Variants in THEMIS observed in about 807,000 individuals in gnomAD.
The protein encoded by THEMIS is thymocyte selection associated.
THEMIS carries 37 observed loss-of-function variants against 52.6 expected under a neutral mutation model. That is an observed-to-expected ratio of 0.70 (90% CI 0.54 to 0.93). The LOEUF (loss-of-function observed/expected upper bound fraction) is 0.93. Ranked by LOEUF, THEMIS falls within the 40% of genes least tolerant of loss-of-function variation. The probability of loss-of-function intolerance (pLI) is 0.00; values close to 1 mark genes in which losing one functional copy is unlikely to be tolerated. For synonymous variants in THEMIS, 292 were observed against 272.7 expected (o/e 1.07, Z -0.70); for missense variants, 808 against 763.1 (o/e 1.06, Z -0.69).
At chr6:127,787,758 C>T (rs1322790536) in intron 4 of THEMIS, among the ~76,000 whole-genome samples, 1 of 151,632 alleles carries the variant, frequency 6.6e-6, no homozygotes, top group African/African-American at 2.4e-5. Flanking sequence ...ATTAAGTCTA[C>T]TAACTATATT....
chr6:127,898,453 T>C (rs1781037707), intron 1 of THEMIS, among the ~76,000 whole-genome samples: 1 of 151,762 alleles, frequency 6.6e-6, no homozygotes, highest in African/African-American at 2.4e-5. Context: ...TGAGATATTA[T>C]CTCACTTCAG....
intron 1 of THEMIS, among the ~76,000 whole-genome samples, chr6:127,871,614 G>C (rs1042003672): frequency 3.9e-5 from 6 of 151,954 alleles, no homozygotes; most frequent in Admixed American, 2.6e-4. Context: ...TCAATAAGAG[G>C]ATAGCACTAC....
intron 1 of THEMIS, among the ~76,000 whole-genome samples, chr6:127,863,770 G>A (rs1315512304): frequency 6.6e-6 from 1 of 152,164 alleles, no homozygotes; most frequent in African/African-American, 2.4e-5. Context: ...TGTCAGAGAT[G>A]TCCAAAGGAA....
intron 4 of THEMIS, among the ~76,000 whole-genome samples, chr6:127,781,450 G>A (rs1776740572): frequency 6.6e-6 from 1 of 151,972 alleles, no homozygotes; most frequent in Non-Finnish European, 1.5e-5. Flanking sequence ...GAGGAGTTGT[G>A]ATCTTTTGGA....
chr6:127,881,425 C>T (rs750373645), intron 1 of THEMIS, among the ~76,000 whole-genome samples: 1 of 151,928 alleles, frequency 6.6e-6, no homozygotes, highest in Non-Finnish European at 1.5e-5. Flanking sequence ...GAAGGAAGTA[C>T]ATACATAATC....
chr6:127,828,394 C>T (rs1265788429), intron 3 of THEMIS, among the ~76,000 whole-genome samples: 2 of 152,074 alleles, frequency 1.3e-5, no homozygotes, highest in Admixed American at 1.3e-4. Flanking sequence ...ATACTAAAAA[C>T]TCAAAACTAC....
chr6:127,793,401 T>TG (rs1486051509), intron 4 of THEMIS, among the ~76,000 whole-genome samples: 1 of 152,156 alleles, frequency 6.6e-6, no homozygotes, highest in African/African-American at 2.4e-5. Flanking sequence ...GTGGAGGAGT[T>TG]GTGATTCTGA....
chr6:127,703,934 G>A (rs1773766636), downstream of THEMIS, among the ~76,000 whole-genome samples: 1 of 152,118 alleles, frequency 6.6e-6, no homozygotes, highest in Admixed American at 6.5e-5. Context: ...TTTGAGGTCT[G>A]GTCAGGGCTT....
intron 1 of THEMIS, among the ~76,000 whole-genome samples, chr6:127,884,457 TA>T (rs1322116820): frequency 6.6e-6 from 1 of 152,130 alleles, no homozygotes; most frequent in African/African-American, 2.4e-5. Flanking sequence ...CCCCCTCTTT[TA>T]GTTACTCTTT....
intron 3 of THEMIS, among the ~76,000 whole-genome samples, chr6:127,824,725 C>T (rs1411305624): frequency 6.6e-6 from 1 of 152,188 alleles, no homozygotes; most frequent in Non-Finnish European, 1.5e-5. Context: ...TCTCGATCTC[C>T]TGACCTCGTG....
chr6:127,828,286 CAAAG>C (rs1778577241), intron 3 of THEMIS, among the ~76,000 whole-genome samples: 2 of 151,962 alleles, frequency 1.3e-5, no homozygotes, highest in Admixed American at 1.3e-4. Context: ...TTATAAAAAT[CAAAG>C]AAATCTCAAT....
intron 4 of THEMIS, among the ~76,000 whole-genome samples, chr6:127,746,174 A>G (rs902145980): frequency 2.6e-5 from 4 of 151,892 alleles, no homozygotes; most frequent in African/African-American, 9.7e-5. Flanking sequence ...TTAAGTTTGA[A>G]AGAAAACCCA....
chr6:127,865,191 A>AAAACAAAAC (rs1779935088), intron 1 of THEMIS, among the ~76,000 whole-genome samples: 1 of 152,160 alleles, frequency 6.6e-6, no homozygotes. Flanking sequence ...CCTCAGGTGA[A>AAAACAAAAC]AAACAAAACA....
At chr6:127,917,688 AAG>A (rs918390365) in intron 1 of THEMIS, among the ~76,000 whole-genome samples, 3 of 152,232 alleles carry the variant, frequency 2.0e-5, no homozygotes, top group African/African-American at 7.2e-5. Flanking sequence ...TGGTTAGTTG[AAG>A]AGAGACCAAC....
chr6:127,711,468 A>T (rs887358514), intron 5 of THEMIS, among the ~76,000 whole-genome samples: 1 of 151,906 alleles, frequency 6.6e-6, no homozygotes, highest in Non-Finnish European at 1.5e-5. Context: ...CTCTGTCAAC[A>T]TTTCCATCAG....
At chr6:127,859,112 A>G (rs1779712991) in intron 1 of THEMIS, among the ~76,000 whole-genome samples, 1 of 152,036 alleles carries the variant, frequency 6.6e-6, no homozygotes, top group South Asian at 2.1e-4. Flanking sequence ...GCAAATAGGA[A>G]ACTGCATTGG....
intron 4 of THEMIS, among the ~76,000 whole-genome samples, chr6:127,780,837 T>C (rs543017904): frequency 6.8e-4 from 104 of 152,292 alleles, no homozygotes; most frequent in African/African-American, 2.4e-3. Context: ...TTTTCCTTCA[T>C]TTCAACCTTG....
intron 3 of THEMIS, among the ~76,000 whole-genome samples, chr6:127,815,616 C>A (rs1389063130): frequency 1.3e-5 from 2 of 152,134 alleles, no homozygotes; most frequent in East Asian, 3.9e-4. Context: ...TGAAAGAGCA[C>A]TTCTTACATT....
At chr6:127,884,432 T>C (rs561575255) in intron 1 of THEMIS, among the ~76,000 whole-genome samples, 1 of 152,294 alleles carries the variant, frequency 6.6e-6, no homozygotes, top group South Asian at 2.1e-4. Context: ...CATTGGAATA[T>C]AACTGAATTA....
Sources: gnomAD v4.1 joint callset for allele counts (sites outside exome capture counted in the v4.1 genomes callset) on GRCh38, gnomAD v4.1.1 for gene constraint, MANE v1.5 for transcripts, NCBI Gene and HGNC (gene_info 2026-07-23, HGNC 2026-07-21) for gene names.